DOCK10: variants seen among roughly 807,000 people sequenced by gnomAD.
DOCK10 encodes dedicator of cytokinesis 10, also known as dedicator of cytokinesis protein 10.
A neutral mutation model predicts 280.1 loss-of-function variants in DOCK10; 145 were observed. That is an observed-to-expected ratio of 0.52 (90% CI 0.45 to 0.59). The LOEUF is 0.59. Among genes scored for constraint, DOCK10 ranks in the 20% least tolerant of loss-of-function variants. DOCK10 has a pLI of 0.00. For missense variants in DOCK10, 2,368 were observed against 2,651.7 expected (o/e 0.89, Z 2.35); for synonymous variants, 915 against 942.2 (o/e 0.97, Z 0.53).
In DOCK10 at chr2:224,895,720, T is replaced by C. The variant is rs1699936360; in HGVS notation, c.416+575A>G. On this transcript the variant is annotated intron_variant, in intron 4 of 55. Transcript: ENST00000258390. ...AGTCAGGTGAGCTTTTCTGTGGAGGTGACTTTTGAGCAGAAGCAGAACAAA... is the reference window on the plus strand; with the variant it reads ...AGTCAGGTGAGCTTTTCTGTGGAGGCGACTTTTGAGCAGAAGCAGAACAAA... Among the ~76,000 whole-genome samples the C allele has an allele frequency of 3.9e-5, 6 of 152,124 alleles. No homozygotes were observed. The South Asian group carries it at 1.2e-3, about 32-fold the overall frequency.
chr2:224,990,412 G>A (rs955502047), intron 1 of DOCK10, among the ~76,000 whole-genome samples: 2 of 152,192 alleles, frequency 1.3e-5, no homozygotes, highest in Non-Finnish European at 2.9e-5. Flanking sequence ...TTAAGCCTCA[G>A]TTTCCTCATC....
At position 224,916,884 on chromosome 2, in the gene DOCK10, A is replaced by C. The variant is rs1030311722; in HGVS notation, c.244-100T>G. On this transcript the variant is annotated intron_variant, in intron 2 of 55. Coordinates refer to ENST00000258390, the MANE Select transcript of DOCK10 (RefSeq NM_014689.3). ...AAAGGGAAGTCTTTTAGATCTTAGT[A>C]TTTAAAGTTAACAGAAGACAGAGAC... 7 of 860,470 alleles carry C rather than the reference A, an allele frequency of 8.1e-6. No individual in the cohort carries two copies. In the Admixed American group the frequency reaches 1.6e-4, roughly 19 times the overall value. 53.3% of individuals were successfully genotyped at this position (860,470 alleles called of 1,614,324 possible).
Position 224,959,355 on chromosome 2 carries a change from T to G in DOCK10, c.124-27687A>C, listed in dbSNP as rs182559500. Reference sequence around the variant, plus strand: ...AAAACTCTAAACTTCTATGTTTGTGTGTTTTTAAATAAAACAACTTGTATC... The same window carrying G: ...AAAACTCTAAACTTCTATGTTTGTGGGTTTTTAAATAAAACAACTTGTATC... On this transcript the variant is annotated intron_variant, in intron 1 of 55. Transcript: ENST00000258390. Among the ~76,000 whole-genome samples, 7 of 152,330 alleles carry G rather than the reference T, an allele frequency of 4.6e-5. No individual in the cohort carries two copies. In the East Asian group the frequency reaches 1.3e-3, roughly 29 times the overall value.
At chr2:224,967,124 G>A (rs1421633533) in intron 1 of DOCK10, among the ~76,000 whole-genome samples, 1 of 148,212 alleles carries the variant, frequency 6.7e-6, no homozygotes, top group African/African-American at 2.5e-5. Flanking sequence ...CTGTCGCCCA[G>A]GCTGGAGTGC....
intron 5 of DOCK10, 31 bp from the exon 6 acceptor site, chr2:224,886,216 A>G: frequency 6.2e-7 from 1 of 1,613,432 alleles, no homozygotes; most frequent in Non-Finnish European, 8.5e-7. Context: ...CATGACAGCC[A>G]TCTTTTGTGG....
chr2:224,954,367 G>A (rs538722873), intron 1 of DOCK10, among the ~76,000 whole-genome samples: 1 of 152,260 alleles, frequency 6.6e-6, no homozygotes, highest in South Asian at 2.1e-4. Context: ...GTATCTTAGT[G>A]TGATATTTAG....
intron 1 of DOCK10, among the ~76,000 whole-genome samples, chr2:225,035,669 G>C (rs1690241007): frequency 7.0e-6 from 1 of 142,482 alleles, no homozygotes; most frequent in African/African-American, 2.8e-5. Context: ...TTAATTGTGT[G>C]TTGTATTAGT....
intron 1 of DOCK10, among the ~76,000 whole-genome samples, chr2:224,966,185 C>T (rs1704731571): frequency 1.3e-5 from 2 of 152,080 alleles, no homozygotes; most frequent in Admixed American, 6.5e-5. Context: ...TCTTAGCCCT[C>T]TCATTCCCTC....
chr2:224,885,572 G>T, intron 7 of DOCK10, 99 bp downstream of exon 7: 1 of 1,192,538 alleles, frequency 8.4e-7, no homozygotes, highest in African/African-American at 1.6e-5. Context: ...TTAGAATCTA[G>T]AGCAGCTCTT....
At chr2:224,874,186 A>G (rs764521775) in intron 10 of DOCK10, 35 bp from the exon 11 acceptor site, 2 of 1,573,956 alleles carry the variant, frequency 1.3e-6, no homozygotes, top group Admixed American at 3.9e-5. Flanking sequence ...CAAACATCCA[A>G]CATAAAAAAG....
chr2:224,869,932 A>G (rs1698163206), intron 11 of DOCK10, among the ~76,000 whole-genome samples: 1 of 152,222 alleles, frequency 6.6e-6, no homozygotes, highest in Non-Finnish European at 1.5e-5. Flanking sequence ...TCTGGGTCAA[A>G]AAAAGCATCT....
intron 7 of DOCK10, among the ~76,000 whole-genome samples, chr2:224,881,820 T>G (rs1698993514): frequency 6.6e-6 from 1 of 152,218 alleles, no homozygotes; most frequent in Non-Finnish European, 1.5e-5. Context: ...TTTGTTTTCC[T>G]TGTAATGTTC....
intron 19 of DOCK10, among the ~76,000 whole-genome samples, chr2:224,847,467 T>C (rs1451341650): frequency 6.6e-6 from 1 of 152,206 alleles, no homozygotes; most frequent in Non-Finnish European, 1.5e-5. Context: ...GAACTGTCCA[T>C]ATTCTCATGT....
intron 55 of DOCK10, among the ~76,000 whole-genome samples, chr2:224,769,356 C>T (rs1382061792): frequency 6.6e-6 from 1 of 152,178 alleles, no homozygotes; most frequent in Admixed American, 6.5e-5. Flanking sequence ...GTTTGTGAGT[C>T]GTATTAACAG....
intron 31 of DOCK10, among the ~76,000 whole-genome samples, chr2:224,811,931 C>T (rs75265685): frequency 0.18 from 27,435 of 151,972 alleles, 3,756 homozygotes; most frequent in African/African-American, 0.39. Flanking sequence ...ATGCCTCCGG[C>T]TTTGTTCTTT....
intron 52 of DOCK10, among the ~76,000 whole-genome samples, chr2:224,774,473 G>A (rs569964087): frequency 4.3e-4 from 65 of 152,320 alleles, no homozygotes; most frequent in Non-Finnish European, 8.1e-4. Context: ...AGAGCACATC[G>A]AGGGATATTG....
chr2:225,014,081 A>ATATT (rs776104946), intron 1 of DOCK10, among the ~76,000 whole-genome samples: 55 of 96,798 alleles, frequency 5.7e-4, no homozygotes, highest in Non-Finnish European at 8.9e-4. Flanking sequence ...GTCTGAATAT[A>ATATT]TTGTTTTTTT....
At chr2:224,882,659 T>C in intron 7 of DOCK10, among the ~76,000 whole-genome samples, 1 of 152,230 alleles carries the variant, frequency 6.6e-6, no homozygotes, top group East Asian at 1.9e-4. Context: ...TGCTAAGTAG[T>C]ACTTTCTGAG....
intron 51 of DOCK10, among the ~76,000 whole-genome samples, chr2:224,777,743 A>G (rs922567165): frequency 3.3e-5 from 5 of 152,110 alleles, no homozygotes; most frequent in Non-Finnish European, 5.9e-5. Flanking sequence ...TCATATATAC[A>G]TCTATTCTGT....
Sources: allele counts gnomAD v4.1 joint callset (sites outside exome capture counted in the v4.1 genomes callset), GRCh38; gene constraint gnomAD v4.1.1; transcripts MANE v1.5; gene names NCBI Gene and HGNC (gene_info 2026-07-23, HGNC 2026-07-21).